Variants in FAM135A observed in about 807,000 individuals in gnomAD.
FAM135A encodes family with sequence similarity 135 member A.
A neutral mutation model predicts 146.8 loss-of-function variants in FAM135A; 79 were observed. That is an observed-to-expected ratio of 0.54 (90% CI 0.45 to 0.65). The LOEUF (loss-of-function observed/expected upper bound fraction) is 0.65. FAM135A is among the 30% of genes least tolerant of loss of function. The pLI, the probability that FAM135A is intolerant of heterozygous loss-of-function variation, is 0.00. For synonymous variants in FAM135A, 562 were observed against 603.6 expected, an observed-to-expected ratio of 0.93 and a Z score of 1.01; for missense variants, 1,623 against 1,758.2, an observed-to-expected ratio of 0.92 and a Z score of 1.38.
intron 5 of FAM135A, among the ~76,000 whole-genome samples, chr6:70,461,055 C>T (rs1428630281): frequency 2.0e-5 from 3 of 151,924 alleles, no homozygotes; most frequent in African/African-American, 7.3e-5. Context: ...AACTCCTCAC[C>T]TCAAGTGATC....
chr6:70,508,322 A>G (rs1474762310), intron 12 of FAM135A, among the ~76,000 whole-genome samples: 1 of 152,206 alleles, frequency 6.6e-6, no homozygotes, highest in Non-Finnish European at 1.5e-5. Flanking sequence ...GAAATGCAAG[A>G]GACACATGAA....
At chr6:70,417,498 C>G in intron 2 of FAM135A, 1 of 603,068 alleles carries the variant, frequency 1.7e-6, no homozygotes, top group Non-Finnish European at 2.1e-6. Flanking sequence ...CAGGCATGAA[C>G]TACTATGCCT....
At chr6:70,419,856 G>A (rs539214662) in intron 2 of FAM135A, among the ~76,000 whole-genome samples, 2 of 152,198 alleles carry the variant, frequency 1.3e-5, no homozygotes, top group South Asian at 2.1e-4. Flanking sequence ...ACATTCTCTG[G>A]TGTTCAGGTG....
chr6:70,559,955 T>C lies in FAM135A; in HGVS notation c.*34T>C, dbSNP rs768374733. 5.4e-6 allele frequency: 8 copies of C among 1,493,194 alleles called. No homozygotes were observed. Among genetic ancestry groups the C allele is most frequent in the Non-Finnish European group, 7.4e-6 (8 of 1,080,522 alleles). The allele number at this position is 1,493,194 out of a possible 1,614,324, so 92.5% of individuals were successfully genotyped here. A position where few individuals can be genotyped will look rare whatever the true frequency, so the allele number is the denominator to read the frequency against. On this transcript the variant is annotated 3_prime_UTR_variant, in exon 22 of 22. Coordinates refer to ENST00000418814, the MANE Select transcript of FAM135A (RefSeq NM_001162529.3). ...CATTGTTAGCGACTGGACAATTACC[T>C]CATTCAACAATGTTTCAAATAATGT...
chr6:70,454,773 CTT>C (rs1368369344), intron 5 of FAM135A, among the ~76,000 whole-genome samples: 1 of 151,774 alleles, frequency 6.6e-6, no homozygotes, highest in Admixed American at 6.6e-5. Flanking sequence ...CTATCTCTCT[CTT>C]TTGGTACCAG....
At chr6:70,436,116 G>A (rs912193606) in intron 4 of FAM135A, among the ~76,000 whole-genome samples, 7 of 151,832 alleles carry the variant, frequency 4.6e-5, no homozygotes, top group South Asian at 2.1e-4. Context: ...CCCCAGAGGC[G>A]GAGGTTGCAG....
rs150315153 is a variant in FAM135A, at chr6:70,500,309, G to A, written c.874-2327G>A. Among the ~76,000 whole-genome samples, 565 of 152,184 alleles carry A rather than the reference G, an allele frequency of 3.7e-3. 3 individuals are homozygous for A. The highest frequency in any genetic ancestry group is 0.012 in the African/African-American group (495 of 41,524). On this transcript the variant is annotated intron_variant, in intron 11 of 21. Transcript: ENST00000418814. ...TTTGTGTATGCTTCATGAAGTTCTC[G>A]TGTTGTTTTTTCAACTCCATTGGGT...
intron 20 of FAM135A, among the ~76,000 whole-genome samples, chr6:70,548,042 C>T (rs1472205940): frequency 6.6e-6 from 1 of 152,128 alleles, no homozygotes; most frequent in Non-Finnish European, 1.5e-5. Context: ...AGAATATTAG[C>T]TCCCAAAATA....
intron 20 of FAM135A, among the ~76,000 whole-genome samples, chr6:70,549,484 A>G (rs1356573889): frequency 6.6e-6 from 1 of 152,112 alleles, no homozygotes; most frequent in Non-Finnish European, 1.5e-5. Context: ...TGCCTTGGAG[A>G]TACTGTGGAT....
At chr6:70,479,371 G>A (rs17634863) in intron 8 of FAM135A, among the ~76,000 whole-genome samples, 18,793 of 152,176 alleles carry the variant, frequency 0.12, 1,598 homozygotes, top group Middle Eastern at 0.29. Context: ...CTCAGAATCA[G>A]AAGCCAGGAG....
intron 11 of FAM135A, among the ~76,000 whole-genome samples, chr6:70,492,024 T>G (rs879837525): frequency 7.9e-5 from 12 of 151,904 alleles, no homozygotes; most frequent in South Asian, 2.1e-4. Flanking sequence ...TTAAGCTTGT[T>G]TTTAAAATCA....
intron 2 of FAM135A, among the ~76,000 whole-genome samples, chr6:70,425,769 A>G (rs1296056070): frequency 6.6e-6 from 1 of 152,222 alleles, no homozygotes; most frequent in African/African-American, 2.4e-5. Context: ...ATACGTACTC[A>G]GGGAGTTACT....
chr6:70,421,939 C>T (rs1041431160), intron 2 of FAM135A, among the ~76,000 whole-genome samples: 5 of 152,130 alleles, frequency 3.3e-5, no homozygotes, highest in Non-Finnish European at 7.4e-5. Context: ...GAGAATCTGC[C>T]GTGCATCATC....
chr6:70,520,884 G>A (rs182478860), intron 12 of FAM135A, among the ~76,000 whole-genome samples: 24 of 152,280 alleles, frequency 1.6e-4, no homozygotes, highest in Middle Eastern at 6.8e-3. Context: ...TCATTTGGGT[G>A]CATACAAGAA....
intron 5 of FAM135A, among the ~76,000 whole-genome samples, chr6:70,467,042 T>C (rs944733394): frequency 6.6e-6 from 1 of 152,202 alleles, no homozygotes; most frequent in Non-Finnish European, 1.5e-5. Context: ...TTTTTCTCTT[T>C]CTTGGTTTAT....
chr6:70,484,717 G>A (rs1012222704), intron 10 of FAM135A, among the ~76,000 whole-genome samples: 1 of 152,212 alleles, frequency 6.6e-6, no homozygotes, highest in African/African-American at 2.4e-5. Flanking sequence ...TCCCACAGGA[G>A]GCAGAGCTCA....
rs910339250 is a variant in FAM135A at position 70,426,063 on chromosome 6, A to G, written c.-133-376A>G. Among the ~76,000 whole-genome samples, 5 of 151,690 alleles carry G rather than the reference A, an allele frequency of 3.3e-5. No homozygotes were observed. In the South Asian group the frequency reaches 6.2e-4, roughly 19 times the overall value. On this transcript the variant is annotated intron_variant, in intron 2 of 21. Coordinates refer to ENST00000418814, the MANE Select transcript of FAM135A (RefSeq NM_001162529.3). ...GCTTGCAGTGAGCCGAGATTGCGCC[A>G]CTGCAGTCCGCAGTCTGGCCTGGGC...
At chr6:70,522,927 C>CT (rs1793932259) in intron 13 of FAM135A, among the ~76,000 whole-genome samples, 2 of 152,108 alleles carry the variant, frequency 1.3e-5, no homozygotes, top group South Asian at 2.1e-4. Flanking sequence ...TATGTTCATC[C>CT]TTTTTTATTA....
chr6:70,433,547 G>A (rs559567613), intron 4 of FAM135A, among the ~76,000 whole-genome samples: 2 of 148,498 alleles, frequency 1.3e-5, no homozygotes, highest in South Asian at 4.3e-4. Flanking sequence ...AACATTTGTT[G>A]TTTCTAATGA....
Sources: allele counts gnomAD v4.1 joint callset (sites outside exome capture counted in the v4.1 genomes callset), GRCh38; gene constraint gnomAD v4.1.1; transcripts MANE v1.5; gene names NCBI Gene and HGNC (gene_info 2026-07-23, HGNC 2026-07-21).